Variants in CELF2 observed in about 807,000 individuals in gnomAD.
CELF2 encodes CUG triplet repeat RNA-binding protein 2.
A neutral mutation model predicts 62.6 loss-of-function variants in CELF2; 8 were observed. That is an observed-to-expected ratio of 0.13 (90% CI 0.07 to 0.23). The LOEUF (loss-of-function observed/expected upper bound fraction) is 0.23. CELF2 is among the 10% of genes least tolerant of loss of function. The pLI is 1.00. For synonymous variants in CELF2, 258 were observed against 250.0 expected (o/e 1.03, Z -0.30); for missense variants, 333 against 671.0 (o/e 0.50, Z 5.56).
the CELF2 span, among the ~76,000 whole-genome samples, chr10:10,481,904 A>G: frequency 1.3e-5 from 2 of 152,202 alleles, no homozygotes; most frequent in African/African-American, 4.8e-5. Flanking sequence ...ATCAGGTCTC[A>G]TTGCATATGT....
the CELF2 span, among the ~76,000 whole-genome samples, chr10:10,595,219 A>G: frequency 6.6e-6 from 1 of 152,232 alleles, no homozygotes; most frequent in East Asian, 1.9e-4. Context: ...GACATGCACA[A>G]GCCTCTTAAA....
At chr10:10,559,843 A>C in the CELF2 span, among the ~76,000 whole-genome samples, 1 of 152,166 alleles carries the variant, frequency 6.6e-6, no homozygotes, top group Non-Finnish European at 1.5e-5. Flanking sequence ...TGGCCTCCAC[A>C]ACCTTAGCCA....
chr10:10,676,309 A>G, the CELF2 span, among the ~76,000 whole-genome samples: 7 of 152,174 alleles, frequency 4.6e-5, no homozygotes, highest in Non-Finnish European at 1.0e-4. Context: ...CCCATGGGGA[A>G]GTCCACACAG....
At chr10:11,222,684 T>A (rs2065224634) in intron 3 of CELF2, among the ~76,000 whole-genome samples, 1 of 152,234 alleles carries the variant, frequency 6.6e-6, no homozygotes, top group Non-Finnish European at 1.5e-5. Context: ...CCACTATGCT[T>A]ACACGTGGTA....
At chr10:10,902,179 C>T (rs2062983433) in intron 1 of CELF2, among the ~76,000 whole-genome samples, 1 of 152,118 alleles carries the variant, frequency 6.6e-6, no homozygotes, top group African/African-American at 2.4e-5. Flanking sequence ...ACAGTTTGGC[C>T]GTTTCTTAAA....
the CELF2 span, among the ~76,000 whole-genome samples, chr10:10,646,276 C>G: frequency 3.3e-5 from 5 of 152,156 alleles, no homozygotes; most frequent in Non-Finnish European, 7.3e-5. Context: ...TCACAATTTC[C>G]CTAAGGACCA....
At chr10:10,930,730 A>G (rs928821504) in intron 2 of CELF2, among the ~76,000 whole-genome samples, 4 of 152,200 alleles carry the variant, frequency 2.6e-5, no homozygotes, top group African/African-American at 4.8e-5. Context: ...CCCTTGGGTG[A>G]ATAATTTTTT....
intron 9 of CELF2, among the ~76,000 whole-genome samples, chr10:11,301,271 C>T (rs760434402): frequency 6.6e-6 from 1 of 151,948 alleles, no homozygotes; most frequent in Non-Finnish European, 1.5e-5. Context: ...CAGGCAGCCT[C>T]ACCCCAAATC....
chr10:10,850,851 G>A (rs2059340719), intron 1 of CELF2, among the ~76,000 whole-genome samples: 2 of 151,984 alleles, frequency 1.3e-5, no homozygotes, highest in South Asian at 4.2e-4. Context: ...TGTCACCCAG[G>A]CTGGAGTGCA....
intron 1 of CELF2, among the ~76,000 whole-genome samples, chr10:11,162,306 G>A (rs1307621262): frequency 2.6e-5 from 4 of 152,208 alleles, no homozygotes; most frequent in South Asian, 2.1e-4. Context: ...AGAGAGGTTG[G>A]TGGGACAGGA....
chr10:10,902,079 G>A (rs979943134), intron 1 of CELF2, among the ~76,000 whole-genome samples: 1 of 152,108 alleles, frequency 6.6e-6, no homozygotes, highest in Non-Finnish European at 1.5e-5. Flanking sequence ...ACCAAGTCAC[G>A]GTGAGAGGGG....
intron 1 of CELF2, among the ~76,000 whole-genome samples, chr10:10,841,012 G>A (rs925354700): frequency 2.0e-5 from 3 of 152,120 alleles, no homozygotes; most frequent in Non-Finnish European, 2.9e-5. Context: ...CCCTGCAAAG[G>A]ACATGAGCTC....
At chr10:10,874,624 T>C (rs1452824604) in intron 1 of CELF2, among the ~76,000 whole-genome samples, 1 of 152,132 alleles carries the variant, frequency 6.6e-6, no homozygotes, top group African/African-American at 2.4e-5. Flanking sequence ...GATTTGTAAA[T>C]GCAAAAAATG....
intron 1 of CELF2, among the ~76,000 whole-genome samples, chr10:10,874,963 T>C (rs760078979): frequency 6.6e-6 from 1 of 152,220 alleles, no homozygotes. Context: ...TAAACTAGAT[T>C]TCATTAAAAT....
chr10:10,575,007 C>T, the CELF2 span, among the ~76,000 whole-genome samples: 1 of 151,856 alleles, frequency 6.6e-6, no homozygotes. Flanking sequence ...CGTGAGCCAC[C>T]GCACCTGACC....
intron 2 of CELF2, among the ~76,000 whole-genome samples, chr10:11,174,561 A>G (rs902958273): frequency 6.6e-6 from 1 of 152,246 alleles, no homozygotes; most frequent in African/African-American, 2.4e-5. Flanking sequence ...CTCTATTTCT[A>G]CTGGAAGATC....
intron 2 of CELF2, among the ~76,000 whole-genome samples, chr10:11,204,160 C>T (rs915845450): frequency 1.3e-5 from 2 of 152,214 alleles, no homozygotes; most frequent in Non-Finnish European, 2.9e-5. Flanking sequence ...ACCCTTCATA[C>T]TGCCCCTAAA....
At position 11,075,072 on chromosome 10, in the gene CELF2, T is replaced by C. The variant is rs2141131995; in HGVS notation, c.74+56909T>C. The C allele has an allele frequency of 6.6e-6, 1 of 152,316 alleles. No homozygotes were observed. The highest frequency in any genetic ancestry group is 6.5e-5 in the Admixed American group (1 of 15,290). The allele number at this position is 152,316 out of a possible 1,614,324, so 9.4% of individuals were successfully genotyped here. ...TGCTTTCGATTCTCTTGTTTCCTCT[T>C]GTCACTATGGGAAAATGCTGCTCTG... On this transcript the variant is annotated intron_variant, in intron 1 of 12. Coordinates refer to ENST00000633077, the MANE Select transcript of CELF2 (RefSeq NM_001326342.2). This position sits in a 1 kb window ranked among gnomAD's most constrained non-coding sequence, Gnocchi z 5.4.
At chr10:11,228,222 A>G (rs1367956427) in intron 3 of CELF2, among the ~76,000 whole-genome samples, 1 of 152,248 alleles carries the variant, frequency 6.6e-6, no homozygotes, top group Non-Finnish European at 1.5e-5. Flanking sequence ...TTTTAATGAA[A>G]TAACACTAAA....
Sources: gnomAD v4.1 joint callset for allele counts (sites outside exome capture counted in the v4.1 genomes callset) on GRCh38, gnomAD v4.1.1 for gene constraint, Gnocchi (gnomAD v3.1) non-coding constraint, MANE v1.5 for transcripts, NCBI Gene and HGNC (gene_info 2026-07-23, HGNC 2026-07-21) for gene names.